Variants in CTNNA2 observed in about 807,000 individuals in gnomAD.
The protein encoded by CTNNA2 is catenin alpha-2.
In CTNNA2, 42 loss-of-function variants were observed where a neutral mutation model predicts 101.0. The ratio of observed to expected loss-of-function variants is 0.42; its 90% CI spans 0.32 to 0.54. The LOEUF (loss-of-function observed/expected upper bound fraction) is 0.54. Among genes scored for constraint, CTNNA2 ranks in the 20% least tolerant of loss-of-function variants. The pLI, the probability that CTNNA2 is intolerant of heterozygous loss-of-function variation, is 0.14. For synonymous variants in CTNNA2, 450 were observed against 456.4 expected, an observed-to-expected ratio of 0.99 and a Z score of 0.18; for missense variants, 871 against 1,223.1, an observed-to-expected ratio of 0.71 and a Z score of 4.29.
At chr2:80,490,407 A>G (rs1177300215) in intron 9 of CTNNA2, among the ~76,000 whole-genome samples, 2 of 151,906 alleles carry the variant, frequency 1.3e-5, no homozygotes, top group Non-Finnish European at 2.9e-5. Context: ...CAAAGTGCGA[A>G]TGAATGATTG....
chr2:80,632,639 T>C (rs887719930), intron 18 of CTNNA2, among the ~76,000 whole-genome samples: 1 of 152,118 alleles, frequency 6.6e-6, no homozygotes, highest in Non-Finnish European at 1.5e-5. Context: ...ACTTTTCTCT[T>C]GTTTTGCTAG....
chr2:79,896,338 C>T (rs1684714419), intron 6 of CTNNA2, among the ~76,000 whole-genome samples: 1 of 152,028 alleles, frequency 6.6e-6, no homozygotes, highest in African/African-American at 2.4e-5. Flanking sequence ...TTACTCATCC[C>T]CATTCCAATA....
intron 7 of CTNNA2, among the ~76,000 whole-genome samples, chr2:80,231,936 G>A (rs533008901): frequency 1.3e-5 from 2 of 152,132 alleles, no homozygotes; most frequent in Admixed American, 6.5e-5. Flanking sequence ...CTCTAAGGGT[G>A]GCCACCTATG....
chr2:80,617,990 T>TG (rs1241507625), intron 17 of CTNNA2, among the ~76,000 whole-genome samples: 1 of 151,890 alleles, frequency 6.6e-6, no homozygotes, highest in East Asian at 1.9e-4. Flanking sequence ...ACTAGTCAGA[T>TG]GAAGGCCTTT....
chr2:80,145,398 T>C (rs1703270009), intron 7 of CTNNA2, among the ~76,000 whole-genome samples: 1 of 152,194 alleles, frequency 6.6e-6, no homozygotes, highest in Non-Finnish European at 1.5e-5. Context: ...CTTCTCCCTT[T>C]GATTAGCTTT....
chr2:79,250,553 C>T (rs1292117297), intron 2 of CTNNA2, among the ~76,000 whole-genome samples: 2 of 152,162 alleles, frequency 1.3e-5, no homozygotes, highest in African/African-American at 4.8e-5. Context: ...CTCCCTTTAC[C>T]CTTGAGCGAG....
At chr2:79,676,903 T>C (rs1217018163) in intron 2 of CTNNA2, among the ~76,000 whole-genome samples, 2 of 152,102 alleles carry the variant, frequency 1.3e-5, no homozygotes, top group Non-Finnish European at 2.9e-5. Flanking sequence ...GAGATACAGG[T>C]TCCCTCCACC....
At chr2:79,206,289 A>G (rs1440881221) in intron 2 of CTNNA2, among the ~76,000 whole-genome samples, 1 of 118,740 alleles carries the variant, frequency 8.4e-6, no homozygotes, top group African/African-American at 2.8e-5. Context: ...TTGAATAAGA[A>G]AAAAAAAAAA....
intron 7 of CTNNA2, among the ~76,000 whole-genome samples, chr2:79,987,068 G>A (rs553299040): frequency 3.3e-4 from 50 of 152,200 alleles, no homozygotes; most frequent in African/African-American, 1.2e-3. Flanking sequence ...TGTGGTGTTT[G>A]GTGTCTTGTG....
chr2:80,400,875 G>A (rs1461753706), intron 8 of CTNNA2, among the ~76,000 whole-genome samples: 3 of 152,112 alleles, frequency 2.0e-5, no homozygotes, highest in Non-Finnish European at 2.9e-5. Flanking sequence ...CCTCCTGGTA[G>A]CTCCTAGACC....
chr2:79,959,774 G>A (rs947806207), intron 7 of CTNNA2, among the ~76,000 whole-genome samples: 7 of 152,124 alleles, frequency 4.6e-5, no homozygotes, highest in Non-Finnish European at 5.9e-5. Flanking sequence ...TTCTTCTTGC[G>A]CAGAAAGCCT....
intron 7 of CTNNA2, among the ~76,000 whole-genome samples, chr2:80,227,614 C>A (rs992915450): frequency 1.3e-5 from 2 of 152,124 alleles, no homozygotes; most frequent in Non-Finnish European, 1.5e-5. Flanking sequence ...GTGCCTGTGG[C>A]GTGATGACCC....
At chr2:79,315,738 G>A (rs899931118) in intron 3 of CTNNA2, among the ~76,000 whole-genome samples, 1 of 152,028 alleles carries the variant, frequency 6.6e-6, no homozygotes, top group African/African-American at 2.4e-5. Flanking sequence ...GTTTTTGTAT[G>A]GACCTACGTT....
At chr2:79,835,773 C>T (rs1285119341) in intron 3 of CTNNA2, among the ~76,000 whole-genome samples, 2 of 137,484 alleles carry the variant, frequency 1.5e-5, no homozygotes, top group African/African-American at 5.3e-5. Context: ...GCTGGGACTA[C>T]AGGCATGTGC....
At chr2:79,993,314 C>A (rs1468433838) in intron 7 of CTNNA2, among the ~76,000 whole-genome samples, 1 of 152,192 alleles carries the variant, frequency 6.6e-6, no homozygotes, top group African/African-American at 2.4e-5. Flanking sequence ...ACTGAAGTCA[C>A]TTCACTGCTA....
intron 1 of CTNNA2, among the ~76,000 whole-genome samples, chr2:79,541,394 A>G (rs1001891297): frequency 7.2e-6 from 1 of 138,756 alleles, no homozygotes. Flanking sequence ...ATATACTTGT[A>G]TACATATATA....
At chr2:79,244,223 C>G (rs1674669321) in intron 2 of CTNNA2, among the ~76,000 whole-genome samples, 1 of 152,158 alleles carries the variant, frequency 6.6e-6, no homozygotes, top group East Asian at 1.9e-4. Flanking sequence ...ATCTCTTCCT[C>G]AAAACTATCA....
chr2:79,458,206 G>C (rs1224042160), intron 4 of CTNNA2, among the ~76,000 whole-genome samples: 8 of 152,138 alleles, frequency 5.3e-5, no homozygotes, highest in Admixed American at 5.2e-4. Context: ...AGAGCTTTTG[G>C]ATGTGATCAT....
intron 1 of CTNNA2, among the ~76,000 whole-genome samples, chr2:79,582,291 G>A (rs1452360319): frequency 6.6e-6 from 1 of 152,218 alleles, no homozygotes; most frequent in Non-Finnish European, 1.5e-5. Flanking sequence ...ATTATTTTAA[G>A]TTTTAATTTT....
Sources: gnomAD v4.1 joint callset for allele counts (sites outside exome capture counted in the v4.1 genomes callset) on GRCh38, gnomAD v4.1.1 for gene constraint, MANE v1.5 for transcripts, NCBI Gene and HGNC (gene_info 2026-07-23, HGNC 2026-07-21) for gene names.